ANKRD30A: variants seen among roughly 807,000 people sequenced by gnomAD.
The protein encoded by ANKRD30A is ankyrin repeat domain-containing protein 30A.
Under a neutral mutation model 166.3 loss-of-function variants are expected in ANKRD30A, and 170 were observed. The observed-to-expected ratio is 1.02, with a 90% CI of 0.90 to 1.16. ANKRD30A has a LOEUF of 1.16. ANKRD30A is among the 50% of genes most tolerant of loss of function. The pLI is 0.00. For synonymous variants in ANKRD30A, 564 were observed against 508.9 expected (o/e 1.11, Z -1.46); for missense variants, 1,630 against 1,518.0 (o/e 1.07, Z -1.23).
chr10:37,243,307 T>A, the ANKRD30A span, among the ~76,000 whole-genome samples: 2 of 150,764 alleles, frequency 1.3e-5, no homozygotes, highest in East Asian at 1.9e-4. Flanking sequence ...CCTTTTTTTT[T>A]TTTTTTTTTT....
chr10:37,199,745 A>T lies in ANKRD30A; in HGVS notation c.2735A>T (p.Glu912Val), dbSNP rs1841468519. Reference protein sequence around the residue: ...TLRADQMFPSESKQKKVEENS... With the variant: ...TLRADQMFPSVSKQKKVEENS... Reference sequence around the variant, plus strand: ...TTTATAGATCAGATGTTCCCTTCAGAATCAAAACAAAAGAAGGTTGAAGAA... The same window carrying T: ...TTTATAGATCAGATGTTCCCTTCAGTATCAAAACAAAAGAAGGTTGAAGAA... The change falls in exon 30 of 36, where the codon GAA becomes GTA. Residue 912 changes from glutamate (E) to valine (V), a missense_variant. Glu to Val is a moderately radical substitution (Grantham distance 121). This residue lies in a region of ANKRD30A where 712 missense variants were observed against 629.3 expected (regional missense o/e 1.13). Coordinates refer to ENST00000361713, the MANE Select transcript of ANKRD30A (RefSeq NM_052997.3). 6.3e-7 allele frequency: 1 copy of T among 1,579,318 alleles called. No homozygotes were observed. The highest frequency in any genetic ancestry group is 1.4e-5 in the African/African-American group (1 of 73,612).
chr10:37,192,547 T>A (rs949974650), intron 25 of ANKRD30A, among the ~76,000 whole-genome samples: 10 of 152,116 alleles, frequency 6.6e-5, no homozygotes, highest in African/African-American at 2.4e-4. Flanking sequence ...TAAGTACATT[T>A]GTACCTTTGA....
In ANKRD30A at chr10:37,201,308, T is replaced by G. The variant is rs549402226; in HGVS notation, c.2852T>G (p.Ile951Arg). ...ACACATCAAAAAGAAATGGATAAAA[T>G]AAGTGGAAAATTAGAAGGTAAGAAC... ...KATHQKEMDK[I>R]SGKLEDSTSL... Residue 951 changes from isoleucine to arginine, a missense_variant, in exon 31 of 36, where the codon ATA becomes AGA. Transcript: ENST00000361713. 1.9e-6 allele frequency: 3 copies of G among 1,586,216 alleles called. No individual in the cohort carries two copies. The South Asian group carries it at 3.5e-5, about 18-fold the overall frequency.
At position 37,136,602 on chromosome 10, in the gene ANKRD30A, C is replaced by T. The variant is rs771207963; in HGVS notation, c.756-5C>T. The stretch of plus-strand genomic sequence containing the variant: ...TAATTTTATTTATCACATTTTTATA[C>T]ATAGCATTCATGAACAAATTATGGA... On this transcript the variant is annotated splice_polypyrimidine_tract_variant and splice_region_variant and intron_variant, in intron 5 of 35. Transcript: ENST00000361713. 5 of 1,256,788 alleles carry T rather than the reference C, an allele frequency of 4.0e-6. No individual in the cohort carries two copies. Among genetic ancestry groups the T allele is most frequent in the Middle Eastern group, 1.9e-4 (1 of 5,250 alleles). The allele number at this position is 1,256,788 out of a possible 1,614,324, so 77.9% of individuals were successfully genotyped here.
intron 18 of ANKRD30A, among the ~76,000 whole-genome samples, chr10:37,166,141 G>C (rs986188903): frequency 1.3e-5 from 2 of 152,120 alleles, no homozygotes; most frequent in African/African-American, 4.8e-5. Flanking sequence ...GACTCTAAAA[G>C]TTCTCATCAT....
At chr10:37,247,444 G>A in the ANKRD30A span, among the ~76,000 whole-genome samples, 3 of 151,910 alleles carry the variant, frequency 2.0e-5, no homozygotes, top group Non-Finnish European at 4.4e-5. Flanking sequence ...TCTTTTTTTG[G>A]AGGGTGTTCT....
At position 37,219,360 on chromosome 10, in the gene ANKRD30A, A is replaced by G. The variant is rs757128899; in HGVS notation, c.3648A>G (p.Arg1216=). 30 of 1,610,386 alleles carry G rather than the reference A, an allele frequency of 1.9e-5. No individual in the cohort carries two copies. The Admixed American group carries it at 4.9e-4, about 26-fold the overall frequency. ...ACCATGATCAAATTGTGACATCAAG[A>G]AAAAGTCAAGAACCTGCTTTCCACA... ...VQDHDQIVTS[R]KSQEPAFHIA... is the part of the protein sequence containing the mutation. The change falls in exon 34 of 36, where the codon AGA becomes AGG. Residue 1216 remains arginine, a synonymous_variant. Transcript: ENST00000361713.
the ANKRD30A span, among the ~76,000 whole-genome samples, chr10:37,249,333 C>T: frequency 1.3e-5 from 2 of 152,152 alleles, no homozygotes; most frequent in African/African-American, 4.8e-5. Context: ...CAAAATATGA[C>T]CCATTTTCAT....
intron 29 of ANKRD30A, among the ~76,000 whole-genome samples, chr10:37,199,388 T>A (rs1841435488): frequency 6.6e-6 from 1 of 152,006 alleles, no homozygotes; most frequent in Admixed American, 6.6e-5. Context: ...AAATGAGAGA[T>A]GGTAGGTAAT....
At position 37,152,092 on chromosome 10, in the gene ANKRD30A, G is replaced by A; in HGVS notation, c.1678G>A (p.Asp560Asn). 1 of 1,609,384 alleles carries A rather than the reference G, an allele frequency of 6.2e-7. No homozygotes were observed. The highest frequency in any genetic ancestry group is 8.5e-7 in the Non-Finnish European group (1 of 1,177,248). Residue 560 changes from aspartate to asparagine, a missense_variant, in exon 12 of 36, where the codon GAC becomes AAC. Asp to Asn is a conservative substitution (Grantham distance 23). Transcript: ENST00000361713. Reference protein sequence around the residue: ...PMFPPESKQKDYEENSWDSES... With the variant: ...PMFPPESKQKNYEENSWDSES... ...GTTCCCACCAGAATCCAAACAAAAGGACTATGAAGAAAATTCTTGGGATTC... is the reference window on the plus strand; with the variant it reads ...GTTCCCACCAGAATCCAAACAAAAGAACTATGAAGAAAATTCTTGGGATTC...
intron 27 of ANKRD30A, among the ~76,000 whole-genome samples, chr10:37,197,053 G>C (rs1200892): frequency 6.6e-6 from 1 of 151,820 alleles, no homozygotes. Context: ...ACACAATCTC[G>C]CTCTTGAAGT....
chr10:37,149,919 C>G, intron 11 of ANKRD30A, 70 bp downstream of exon 11: 1 of 1,579,782 alleles, frequency 6.3e-7, no homozygotes, highest in Non-Finnish European at 8.6e-7. Flanking sequence ...TCTTTCTATC[C>G]CCAATGCTTT....
chr10:37,193,291 A>G (rs753295707), intron 27 of ANKRD30A, 33 bp downstream of exon 27: 1 of 1,586,736 alleles, frequency 6.3e-7, no homozygotes, highest in African/African-American at 1.4e-5. Context: ...TACTCTGGAA[A>G]GAAGAATATT....
intron 11 of ANKRD30A, among the ~76,000 whole-genome samples, chr10:37,151,452 T>A (rs17589961): frequency 1.3e-5 from 2 of 152,106 alleles, no homozygotes; most frequent in Admixed American, 1.3e-4. Context: ...GTCATTGTAA[T>A]TGAAGCAGTT....
chr10:37,143,314 G>T (rs773171550), intron 7 of ANKRD30A, among the ~76,000 whole-genome samples: 1 of 152,098 alleles, frequency 6.6e-6, no homozygotes, highest in African/African-American at 2.4e-5. Context: ...ACTGGTTATG[G>T]TATAAGGCAG....
chr10:37,130,033 A>G, intron 2 of ANKRD30A, 26 bp downstream of exon 2: 1 of 1,447,398 alleles, frequency 6.9e-7, no homozygotes, highest in Non-Finnish European at 9.2e-7. Context: ...ATTTTTCAGC[A>G]GGAGATGGAT....
intron 30 of ANKRD30A, among the ~76,000 whole-genome samples, chr10:37,200,057 A>T (rs1002966020): frequency 5.3e-5 from 8 of 152,048 alleles, no homozygotes; most frequent in African/African-American, 1.9e-4. Flanking sequence ...TTCACATGGG[A>T]TCTGAAGTAC....
intron 19 of ANKRD30A, among the ~76,000 whole-genome samples, chr10:37,167,182 A>G (rs1394227685): frequency 2.0e-5 from 3 of 151,098 alleles, no homozygotes; most frequent in Non-Finnish European, 1.5e-5. Context: ...TTACTGCAGA[A>G]TGTTAGAGTG....
At chr10:37,228,024 C>T (rs1005857941) in intron 34 of ANKRD30A, among the ~76,000 whole-genome samples, 4 of 152,024 alleles carry the variant, frequency 2.6e-5, no homozygotes, top group African/African-American at 9.6e-5. Context: ...CCTGCATTCC[C>T]AGAAGTCACC....
Sources: allele counts gnomAD v4.1 joint callset (sites outside exome capture counted in the v4.1 genomes callset), GRCh38; gene constraint gnomAD v4.1.1; regional missense constraint gnomAD v4.1.1; transcripts MANE v1.5; gene names NCBI Gene and HGNC (gene_info 2026-07-23, HGNC 2026-07-21).